GRIN2A: variants seen among roughly 807,000 people sequenced by gnomAD.
GRIN2A encodes the protein glutamate receptor ionotropic, NMDA 2A.
GRIN2A carries 22 observed loss-of-function variants against 113.4 expected under a neutral mutation model. The observed-to-expected ratio is 0.19, with a 90% confidence interval of 0.14 to 0.28. GRIN2A has a LOEUF of 0.28. GRIN2A is among the 10% of genes least tolerant of loss of function. The probability of loss-of-function intolerance (pLI) is 1.00; values close to 1 mark genes in which losing one functional copy is unlikely to be tolerated. For synonymous variants in GRIN2A, 827 were observed against 738.4 expected (o/e 1.12, Z -1.94); for missense variants, 1,502 against 1,887.0 (o/e 0.80, Z 3.78).
intron 11 of GRIN2A, among the ~76,000 whole-genome samples, chr16:9,777,388 G>A (rs551139833): frequency 6.6e-5 from 10 of 152,128 alleles, no homozygotes; most frequent in Admixed American, 6.6e-5. Flanking sequence ...ACTATTTGCC[G>A]AAGTGAAAAA....
chr16:9,849,624 T>C (rs1473407115), intron 5 of GRIN2A, 132 bp downstream of exon 5: 1 of 761,074 alleles, frequency 1.3e-6, no homozygotes, highest in African/African-American at 1.7e-5. Flanking sequence ...TTGATTATTG[T>C]ATTATACCTA....
chr16:9,886,696 G>T lies in GRIN2A; in HGVS notation c.1122+4290C>A, dbSNP rs145888368. Among the ~76,000 whole-genome samples, 28 of 152,234 alleles carry T rather than the reference G, an allele frequency of 1.8e-4. No individual in the cohort carries two copies. In the East Asian group the frequency reaches 5.4e-3, roughly 29 times the overall value. ...AGTAGGCACTTAATAACTATTTGTT[G>T]AATAAAAAAATGAATAGACGAACCA... On this transcript the variant is annotated intron_variant, in intron 4 of 12. Coordinates refer to ENST00000330684, the MANE Select transcript of GRIN2A (RefSeq NM_001134407.3).
intron 2 of GRIN2A, among the ~76,000 whole-genome samples, chr16:10,007,642 T>C (rs2046428455): frequency 6.6e-6 from 1 of 152,170 alleles, no homozygotes; most frequent in South Asian, 2.1e-4. Flanking sequence ...GTGATCCCAT[T>C]TGCCCATTTT....
intron 11 of GRIN2A, among the ~76,000 whole-genome samples, chr16:9,793,643 C>T (rs1362593864): frequency 1.3e-5 from 2 of 152,082 alleles, no homozygotes; most frequent in Non-Finnish European, 2.9e-5. Context: ...TAAATCTTGC[C>T]ACACGTGTTT....
intron 3 of GRIN2A, among the ~76,000 whole-genome samples, chr16:9,932,228 G>T (rs2141611975): frequency 6.6e-6 from 1 of 152,154 alleles, no homozygotes; most frequent in East Asian, 1.9e-4. Context: ...ATCACATGAT[G>T]GCCTTTTTGT....
intron 4 of GRIN2A, among the ~76,000 whole-genome samples, chr16:9,854,890 C>A (rs1190712030): frequency 1.3e-5 from 2 of 152,138 alleles, no homozygotes; most frequent in Non-Finnish European, 2.9e-5. Flanking sequence ...CAGTCCTTGT[C>A]AATCACATGC....
intron 2 of GRIN2A, among the ~76,000 whole-genome samples, chr16:9,972,312 C>T (rs561407933): frequency 2.0e-5 from 3 of 152,170 alleles, no homozygotes; most frequent in African/African-American, 7.2e-5. Context: ...ATATAGCATT[C>T]ACAAAGTGCT....
At chr16:9,877,377 C>T (rs911387429) in intron 4 of GRIN2A, among the ~76,000 whole-genome samples, 5 of 151,952 alleles carry the variant, frequency 3.3e-5, no homozygotes, top group African/African-American at 4.8e-5. Flanking sequence ...TTATTTTTCC[C>T]CAAATGGAAG....
At chr16:10,092,858 T>C (rs1349387078) in intron 2 of GRIN2A, among the ~76,000 whole-genome samples, 2 of 75,698 alleles carry the variant, frequency 2.6e-5, no homozygotes, top group African/African-American at 7.5e-5. Flanking sequence ...GCATGAAAAG[T>C]TGCTTTTTTT....
chr16:10,145,128 A>C (rs1040703682), intron 2 of GRIN2A, among the ~76,000 whole-genome samples: 1 of 152,148 alleles, frequency 6.6e-6, no homozygotes, highest in African/African-American at 2.4e-5. Flanking sequence ...GATATCTAAA[A>C]TAGACTCATA....
At chr16:9,869,407 T>C (rs1242383440) in intron 4 of GRIN2A, among the ~76,000 whole-genome samples, 3 of 152,128 alleles carry the variant, frequency 2.0e-5, no homozygotes, top group African/African-American at 4.8e-5. Flanking sequence ...CACTCCAGCC[T>C]GGGCAACAGA....
chr16:10,022,922 G>C (rs1042749137), intron 2 of GRIN2A, among the ~76,000 whole-genome samples: 5 of 152,320 alleles, frequency 3.3e-5, no homozygotes, highest in African/African-American at 7.2e-5. Flanking sequence ...TGCATAATCA[G>C]TATGACTACC....
intron 2 of GRIN2A, among the ~76,000 whole-genome samples, chr16:10,004,017 G>C (rs1289838409): frequency 6.6e-6 from 1 of 152,106 alleles, no homozygotes; most frequent in Non-Finnish European, 1.5e-5. Flanking sequence ...TGTGTGTGCT[G>C]CCTCTCACTA....
At chr16:10,178,319 A>G (rs771637034) in intron 2 of GRIN2A, among the ~76,000 whole-genome samples, 1 of 152,194 alleles carries the variant, frequency 6.6e-6, no homozygotes, top group Non-Finnish European at 1.5e-5. Context: ...CTGAAGATGG[A>G]TGACATCATT....
At chr16:9,777,682 C>T (rs1412208896) in intron 11 of GRIN2A, among the ~76,000 whole-genome samples, 1 of 152,230 alleles carries the variant, frequency 6.6e-6, no homozygotes, top group Non-Finnish European at 1.5e-5. Context: ...CTACTTGTCA[C>T]ATTGCAGGAT....
chr16:9,856,583 C>A (rs573291742), intron 4 of GRIN2A, among the ~76,000 whole-genome samples: 1 of 149,294 alleles, frequency 6.7e-6, no homozygotes, highest in South Asian at 2.1e-4. Context: ...CGAGATCGCG[C>A]CACTGCACTC....
chr16:9,899,959 AT>A (rs2043885832), intron 3 of GRIN2A, among the ~76,000 whole-genome samples: 1 of 152,094 alleles, frequency 6.6e-6, no homozygotes, highest in Non-Finnish European at 1.5e-5. Flanking sequence ...TTCTCAGAGT[AT>A]TTGTTTCCTT....
At chr16:9,907,879 G>A (rs1365253122) in intron 3 of GRIN2A, among the ~76,000 whole-genome samples, 1 of 152,064 alleles carries the variant, frequency 6.6e-6, no homozygotes, top group Non-Finnish European at 1.5e-5. Context: ...TTGCTGGAGG[G>A]TAAGCTCCCG....
At chr16:10,038,652 G>C (rs963099257) in intron 2 of GRIN2A, among the ~76,000 whole-genome samples, 1 of 151,608 alleles carries the variant, frequency 6.6e-6, no homozygotes, top group Non-Finnish European at 1.5e-5. Context: ...GATCATCCTG[G>C]CTAACATGGT....
Sources: allele counts gnomAD v4.1 joint callset (sites outside exome capture counted in the v4.1 genomes callset), GRCh38; gene constraint gnomAD v4.1.1; transcripts MANE v1.5; gene names NCBI Gene and HGNC (gene_info 2026-07-23, HGNC 2026-07-21).